Variants in SCAF8 observed in about 807,000 individuals in gnomAD.
SCAF8 encodes the protein SR-related and CTD-associated factor 8.
A neutral mutation model predicts 140.5 loss-of-function variants in SCAF8; 23 were observed. The observed-to-expected ratio is 0.16, with a 90% CI of 0.12 to 0.23. The LOEUF (loss-of-function observed/expected upper bound fraction) is 0.23. Ranked by LOEUF, SCAF8 falls within the 10% of genes least tolerant of loss-of-function variation. The pLI, the probability that SCAF8 is intolerant of heterozygous loss-of-function variation, is 1.00. For missense variants in SCAF8, 1,397 were observed against 1,555.7 expected (o/e 0.90, Z 1.72); for synonymous variants, 575 against 528.9 (o/e 1.09, Z -1.20).
chr6:154,790,709 A>C (rs192222909), intron 4 of SCAF8, among the ~76,000 whole-genome samples: 3 of 151,630 alleles, frequency 2.0e-5, no homozygotes, highest in Non-Finnish European at 4.4e-5. Flanking sequence ...ACTGGGTTTC[A>C]CCATGTTAGC....
At chr6:154,760,964 T>C (rs900711217) in intron 1 of SCAF8, among the ~76,000 whole-genome samples, 4 of 151,974 alleles carry the variant, frequency 2.6e-5, no homozygotes, top group African/African-American at 4.8e-5. Context: ...TTTTCTTTTT[T>C]CTTTTTTTTT....
chr6:154,799,052 G>A lies in SCAF8; in HGVS notation c.607-2919G>A, dbSNP rs770187998. On this transcript the variant is annotated intron_variant, in intron 6 of 19. Transcript: ENST00000367178. Reference sequence around the variant, plus strand: ...GGCTGGAGTGAAATGGCGCTGTCTCGGCTCACTGCACCCTCCGCCTCCCGG... The same window carrying A: ...GGCTGGAGTGAAATGGCGCTGTCTCAGCTCACTGCACCCTCCGCCTCCCGG... Among the ~76,000 whole-genome samples, 97 of 150,296 alleles carry A rather than the reference G, an allele frequency of 6.5e-4. 1 individual carries two copies. Among genetic ancestry groups the A allele is most frequent in the Middle Eastern group, 6.9e-3 (2 of 290 alleles).
intron 9 of SCAF8, 47 bp downstream of exon 9, chr6:154,805,533 T>A: frequency 2.8e-6 from 3 of 1,070,520 alleles, no homozygotes; most frequent in Non-Finnish European, 2.7e-6. Context: ...CTATTTATAT[T>A]CTATAAATTG....
chr6:154,789,482 G>T (rs1335049591), intron 4 of SCAF8, among the ~76,000 whole-genome samples: 1 of 151,068 alleles, frequency 6.6e-6, no homozygotes, highest in Non-Finnish European at 1.5e-5. Flanking sequence ...GAAAGTTTTT[G>T]ATTTTTGTTT....
At chr6:154,823,579 T>C (rs1778481774) in intron 16 of SCAF8, among the ~76,000 whole-genome samples, 1 of 152,060 alleles carries the variant, frequency 6.6e-6, no homozygotes, top group South Asian at 2.1e-4. Flanking sequence ...AGAGGCAAGG[T>C]TTTTGGTCCA....
At chr6:154,745,659 G>A (rs1294626020) in intron 1 of SCAF8, among the ~76,000 whole-genome samples, 1 of 152,078 alleles carries the variant, frequency 6.6e-6, no homozygotes, top group Non-Finnish European at 1.5e-5. Flanking sequence ...ACTATTAATA[G>A]TATCTTCTGG....
At chr6:154,815,940 A>G (rs1778235308) in intron 13 of SCAF8, 124 bp downstream of exon 13, 9 of 510,178 alleles carry the variant, frequency 1.8e-5, no homozygotes, top group Non-Finnish European at 2.9e-5. Flanking sequence ...CTTTAAAAGG[A>G]TTGCTTTACT....
At chr6:154,791,656 T>G (rs959007896) in intron 4 of SCAF8, among the ~76,000 whole-genome samples, 2 of 151,814 alleles carry the variant, frequency 1.3e-5, no homozygotes, top group Non-Finnish European at 2.9e-5. Flanking sequence ...TTAAAAAATG[T>G]GTTGACATAG....
At chr6:154,771,022 G>A (rs1776750397) in intron 1 of SCAF8, among the ~76,000 whole-genome samples, 3 of 152,210 alleles carry the variant, frequency 2.0e-5, no homozygotes, top group Admixed American at 2.0e-4. Flanking sequence ...TGGGATTACA[G>A]GTGTGAGCCA....
chr6:154,791,249 C>G (rs1224309466), intron 4 of SCAF8, among the ~76,000 whole-genome samples: 3 of 152,078 alleles, frequency 2.0e-5, no homozygotes, highest in South Asian at 2.1e-4. Flanking sequence ...CAAGTTTTCT[C>G]TAAATACTGC....
intron 12 of SCAF8, among the ~76,000 whole-genome samples, chr6:154,811,424 T>G (rs1267211149): frequency 2.0e-4 from 31 of 152,108 alleles, no homozygotes. Context: ...TTTAATTTTC[T>G]ATTTCATTTT....
intron 13 of SCAF8, 55 bp downstream of exon 13, chr6:154,815,871 AC>A: frequency 1.0e-6 from 1 of 994,522 alleles, no homozygotes; most frequent in Non-Finnish European, 1.6e-6. Flanking sequence ...TTTTATTAAT[AC>A]AAAGAATCAC....
At chr6:154,818,184 AGTT>A (rs1221739673) in intron 13 of SCAF8, among the ~76,000 whole-genome samples, 1 of 152,172 alleles carries the variant, frequency 6.6e-6, no homozygotes, top group East Asian at 1.9e-4. Context: ...TGTTTTTAAT[AGTT>A]CTTTTTCTGT....
At chr6:154,741,016 T>C (rs1778555441) in intron 1 of SCAF8, among the ~76,000 whole-genome samples, 1 of 152,198 alleles carries the variant, frequency 6.6e-6, no homozygotes, top group African/African-American at 2.4e-5. Context: ...GTTATTACTT[T>C]GGGGAGGAGA....
intron 2 of SCAF8, among the ~76,000 whole-genome samples, chr6:154,777,316 A>C (rs1358597241): frequency 1.3e-5 from 2 of 152,204 alleles, no homozygotes; most frequent in African/African-American, 4.8e-5. Context: ...CGCTAAATTT[A>C]TAATTTATTT....
At chr6:154,808,043 T>G (rs748847122) in intron 9 of SCAF8, 27 bp from the exon 10 acceptor site, 5 of 1,584,802 alleles carry the variant, frequency 3.2e-6, no homozygotes, top group Non-Finnish European at 4.3e-6. Context: ...CTCCCAATCT[T>G]TGTGTGTTTG....
chr6:154,795,885 C>G (rs530650793), intron 6 of SCAF8, among the ~76,000 whole-genome samples: 43 of 152,174 alleles, frequency 2.8e-4, no homozygotes, highest in African/African-American at 1.0e-3. Flanking sequence ...CTTAATTAAG[C>G]TTTGTAGCTC....
chr6:154,752,775 G>A (rs759719298), intron 1 of SCAF8, among the ~76,000 whole-genome samples: 35 of 152,134 alleles, frequency 2.3e-4, no homozygotes, highest in African/African-American at 5.8e-4. Flanking sequence ...AGGCTAGCAC[G>A]CAGTGGTGCA....
At chr6:154,779,117 C>G (rs1777009388) in intron 3 of SCAF8, among the ~76,000 whole-genome samples, 1 of 152,182 alleles carries the variant, frequency 6.6e-6, no homozygotes, top group African/African-American at 2.4e-5. Flanking sequence ...ACTGCAACCT[C>G]TGTCTCCCGA....
Sources: gnomAD v4.1 joint callset for allele counts (sites outside exome capture counted in the v4.1 genomes callset) on GRCh38, gnomAD v4.1.1 for gene constraint, MANE v1.5 for transcripts, NCBI Gene and HGNC (gene_info 2026-07-23, HGNC 2026-07-21) for gene names.